PGCKA1: variants seen among roughly 807,000 people sequenced by gnomAD.
The protein encoded by PGCKA1 is PDCD10 and GCKIII kinases associated 1.
At chr4:37,567,065 AAAAAATAAAAT>A in the PGCKA1 span, among the ~76,000 whole-genome samples, 2 of 152,032 alleles carry the variant, frequency 1.3e-5, no homozygotes, top group Non-Finnish European at 2.9e-5. Flanking sequence ...AGCGGACAAA[AAAAAATAAAAT>A]AAAATAAAAT....
chr4:37,569,385 G>C, the PGCKA1 span, among the ~76,000 whole-genome samples: 18 of 151,766 alleles, frequency 1.2e-4, no homozygotes, highest in Admixed American at 1.1e-3. Context: ...TTTCAGTAGA[G>C]ATGGGGTTTC....
chr4:37,551,010 A>G, the PGCKA1 span, among the ~76,000 whole-genome samples: 1 of 134,340 alleles, frequency 7.4e-6, no homozygotes, highest in East Asian at 1.9e-4. Flanking sequence ...TAATAATAGT[A>G]CCATAAAAAA....
the PGCKA1 span, among the ~76,000 whole-genome samples, chr4:37,510,480 C>A: frequency 6.6e-6 from 1 of 152,072 alleles, no homozygotes; most frequent in African/African-American, 2.4e-5. Flanking sequence ...ACCTTGGTGG[C>A]CCTGAATAAG....
At chr4:37,497,765 T>C in the PGCKA1 span, among the ~76,000 whole-genome samples, 1 of 152,186 alleles carries the variant, frequency 6.6e-6, no homozygotes, top group Non-Finnish European at 1.5e-5. Flanking sequence ...GAGTTCACTG[T>C]AGATTCTGGA....
chr4:37,536,188 G>T, the PGCKA1 span, among the ~76,000 whole-genome samples: 3 of 152,152 alleles, frequency 2.0e-5, no homozygotes, highest in African/African-American at 7.2e-5. Flanking sequence ...CACTTTGATG[G>T]TTCTATTTGG....
the PGCKA1 span, among the ~76,000 whole-genome samples, chr4:37,551,248 A>G: frequency 6.6e-6 from 1 of 152,170 alleles, no homozygotes; most frequent in Non-Finnish European, 1.5e-5. Context: ...TGCCCGTAAA[A>G]GCAGGCAAAT....
the PGCKA1 span, among the ~76,000 whole-genome samples, chr4:37,464,939 T>C: frequency 2.7e-4 from 41 of 152,300 alleles, no homozygotes; most frequent in African/African-American, 7.7e-4. Flanking sequence ...GCAGAACTTA[T>C]TTACATGCTG....
the PGCKA1 span, among the ~76,000 whole-genome samples, chr4:37,459,835 ATTTT>A: frequency 3.5e-4 from 30 of 84,852 alleles, no homozygotes; most frequent in Admixed American, 1.1e-3. Flanking sequence ...TTTTTTTTTA[ATTTT>A]ATTTTATTTT....
the PGCKA1 span, among the ~76,000 whole-genome samples, chr4:37,483,637 G>A: frequency 6.6e-6 from 1 of 152,202 alleles, no homozygotes; most frequent in African/African-American, 2.4e-5. Context: ...CAGTATTCCT[G>A]ATCACCCCTA....
the PGCKA1 span, among the ~76,000 whole-genome samples, chr4:37,509,244 G>C: frequency 5.8e-5 from 8 of 138,778 alleles, no homozygotes; most frequent in Admixed American, 5.7e-4. Context: ...TCACTTCCCA[G>C]AAGGGGTGGC....
chr4:37,548,061 G>A, the PGCKA1 span, among the ~76,000 whole-genome samples: 1 of 150,986 alleles, frequency 6.6e-6, no homozygotes, highest in African/African-American at 2.4e-5. Flanking sequence ...AGTGTTATAT[G>A]GTAAATTCTT....
chr4:37,576,484 G>A, the PGCKA1 span, among the ~76,000 whole-genome samples: 53 of 152,142 alleles, frequency 3.5e-4, 1 homozygote, highest in East Asian at 8.1e-3. Flanking sequence ...CTTTGGTGGA[G>A]TCTTTAGATT....
the PGCKA1 span, among the ~76,000 whole-genome samples, chr4:37,587,225 T>C: frequency 6.6e-6 from 1 of 152,288 alleles, no homozygotes; most frequent in South Asian, 2.1e-4. Flanking sequence ...TTTATTTAAT[T>C]GTATTTAGAG....
At chr4:37,542,693 A>G in the PGCKA1 span, among the ~76,000 whole-genome samples, 12 of 152,206 alleles carry the variant, frequency 7.9e-5, no homozygotes, top group Admixed American at 3.9e-4. Context: ...TTTAATTTTA[A>G]GTAATTTAGG....
the PGCKA1 span, among the ~76,000 whole-genome samples, chr4:37,531,050 TG>T: frequency 6.6e-6 from 1 of 152,216 alleles, no homozygotes; most frequent in Non-Finnish European, 1.5e-5. Context: ...CTCACCTGAC[TG>T]ACATATATGT....
the PGCKA1 span, among the ~76,000 whole-genome samples, chr4:37,482,976 T>C: frequency 3.3e-5 from 5 of 152,162 alleles, no homozygotes; most frequent in African/African-American, 4.8e-5. Context: ...AGGGGAAGAA[T>C]GATATGGTTT....
At chr4:37,543,691 G>A in the PGCKA1 span, among the ~76,000 whole-genome samples, 3,979 of 151,570 alleles carry the variant, frequency 0.026, 192 homozygotes, top group African/African-American at 0.091. Flanking sequence ...AAAATTAGCC[G>A]GGCGTGGTGG....
chr4:37,551,106 C>CAG, the PGCKA1 span, among the ~76,000 whole-genome samples: 1 of 152,114 alleles, frequency 6.6e-6, no homozygotes, highest in Non-Finnish European at 1.5e-5. Context: ...TGGGCCCACC[C>CAG]AGAAGTCCAC....
At chr4:37,561,100 T>C in the PGCKA1 span, among the ~76,000 whole-genome samples, 4 of 152,180 alleles carry the variant, frequency 2.6e-5, no homozygotes, top group Non-Finnish European at 5.9e-5. Flanking sequence ...ACCTCCTTGA[T>C]ATGAAATTCA....
Sources: gnomAD v4.1 joint callset for allele counts (sites outside exome capture counted in the v4.1 genomes callset) on GRCh38, gnomAD v4.1.1 for gene constraint, MANE v1.5 for transcripts, NCBI Gene and HGNC (gene_info 2026-07-23, HGNC 2026-07-21) for gene names.